The following ANKS1B variants were observed in gnomAD, a reference collection of about 807,000 sequenced individuals.
The protein encoded by ANKS1B is ankyrin repeat and sterile alpha motif domain-containing protein 1B.
In ANKS1B, 36 loss-of-function variants were observed where a neutral mutation model predicts 148.3. The observed-to-expected ratio is 0.24, with a 90% CI of 0.19 to 0.32. The LOEUF (loss-of-function observed/expected upper bound fraction) is 0.32, where lower values mean the gene tolerates loss of function less well. ANKS1B is among the 10% of genes least tolerant of loss of function. The probability of loss-of-function intolerance (pLI) is 1.00; values close to 1 mark genes in which losing one functional copy is unlikely to be tolerated. For synonymous variants in ANKS1B, 542 were observed against 560.8 expected, an observed-to-expected ratio of 0.97 and a Z score of 0.47; for missense variants, 1,157 against 1,542.6, an observed-to-expected ratio of 0.75 and a Z score of 4.19.
chr12:99,525,444 A>C (rs1364475222), intron 9 of ANKS1B, among the ~76,000 whole-genome samples: 1 of 152,200 alleles, frequency 6.6e-6, no homozygotes, highest in African/African-American at 2.4e-5. Flanking sequence ...AAGGTAATGG[A>C]GGGAGTGGAG....
chr12:99,320,040 A>G (rs1004190250), intron 12 of ANKS1B, among the ~76,000 whole-genome samples: 6 of 152,344 alleles, frequency 3.9e-5, no homozygotes, highest in South Asian at 2.1e-4. Flanking sequence ...TCTGGCTTGT[A>G]GAGCTTCTGC....
intron 17 of ANKS1B, among the ~76,000 whole-genome samples, chr12:99,014,014 ATT>A (rs2099940983): frequency 1.3e-5 from 2 of 152,192 alleles, no homozygotes; most frequent in African/African-American, 4.8e-5. Flanking sequence ...GAAAAAAACT[ATT>A]TTAAAATTCA....
intron 9 of ANKS1B, among the ~76,000 whole-genome samples, chr12:99,507,744 T>C (rs1400128136): frequency 6.6e-6 from 1 of 151,840 alleles, no homozygotes; most frequent in African/African-American, 2.4e-5. Context: ...TGTAACCAAA[T>C]ATTTCAATGT....
chr12:99,554,582 A>G (rs532983673), intron 9 of ANKS1B, among the ~76,000 whole-genome samples: 1 of 152,336 alleles, frequency 6.6e-6, no homozygotes, highest in African/African-American at 2.4e-5. Flanking sequence ...CCCCACTCAA[A>G]CAGAGCTTGA....
chr12:99,583,861 T>C (rs1300346255), intron 9 of ANKS1B, among the ~76,000 whole-genome samples: 1 of 152,214 alleles, frequency 6.6e-6, no homozygotes, highest in Non-Finnish European at 1.5e-5. Context: ...TAGATTCGCA[T>C]ATATGTTATT....
intron 8 of ANKS1B, among the ~76,000 whole-genome samples, chr12:99,704,419 C>T (rs1474746903): frequency 6.6e-6 from 1 of 152,064 alleles, no homozygotes; most frequent in Non-Finnish European, 1.5e-5. Context: ...ACCCAAGACA[C>T]TTCAACATTT....
intron 17 of ANKS1B, among the ~76,000 whole-genome samples, chr12:99,045,282 T>A (rs1042466117): frequency 5.3e-5 from 8 of 152,144 alleles, no homozygotes; most frequent in Non-Finnish European, 1.0e-4. Context: ...AAAAATTAAT[T>A]TTTTTTGCTG....
chr12:99,081,958 T>C (rs1010577449), intron 16 of ANKS1B, among the ~76,000 whole-genome samples: 2 of 152,148 alleles, frequency 1.3e-5, no homozygotes, highest in East Asian at 1.9e-4. Flanking sequence ...TGTTGCACTG[T>C]CTCTGCCCTC....
At chr12:99,766,518 A>C (rs1567807268) in intron 8 of ANKS1B, among the ~76,000 whole-genome samples, 1 of 152,164 alleles carries the variant, frequency 6.6e-6, no homozygotes, top group Non-Finnish European at 1.5e-5. Context: ...CCTACAGTAC[A>C]TACGTGTGGT....
At chr12:98,912,056 T>C (rs112231114) in intron 17 of ANKS1B, among the ~76,000 whole-genome samples, 331 of 152,334 alleles carry the variant, frequency 2.2e-3, no homozygotes, top group African/African-American at 7.6e-3. Context: ...AGCAAACACA[T>C]AGGATTTGCT....
intron 10 of ANKS1B, among the ~76,000 whole-genome samples, chr12:99,449,342 G>C (rs1247840791): frequency 1.3e-5 from 2 of 151,966 alleles, no homozygotes; most frequent in African/African-American, 2.4e-5. Flanking sequence ...TCAACCTGTT[G>C]TTACAAGATA....
intron 17 of ANKS1B, among the ~76,000 whole-genome samples, chr12:98,836,114 C>A (rs1021729179): frequency 1.3e-5 from 2 of 152,190 alleles, no homozygotes; most frequent in African/African-American, 4.8e-5. Flanking sequence ...CTTCACTACT[C>A]TCCTTGCTCT....
chr12:99,424,405 A>G (rs73373909), intron 11 of ANKS1B, among the ~76,000 whole-genome samples: 2,472 of 152,228 alleles, frequency 0.016, 77 homozygotes, highest in African/African-American at 0.053. Context: ...AGAGATCAAG[A>G]AGTAAGAATT....
chr12:99,968,048 A>G (rs185713202), intron 1 of ANKS1B, among the ~76,000 whole-genome samples: 1 of 152,310 alleles, frequency 6.6e-6, no homozygotes, highest in African/African-American at 2.4e-5. Flanking sequence ...AGAAGAAGCC[A>G]AAGAATGCCT....
In ANKS1B at chr12:98,745,216, C is replaced by T. The variant is rs1040196404; in HGVS notation, c.*523G>A. On this transcript the variant is annotated 3_prime_UTR_variant, in exon 27 of 27. Coordinates refer to ENST00000683438, the MANE Select transcript of ANKS1B (RefSeq NM_001352186.2). Reference sequence around the variant, plus strand: ...AAACAGAATCTCCTGGCAATCATATCACGGGAGTTGTTTTTGTCCTTTTGC... The same window carrying T: ...AAACAGAATCTCCTGGCAATCATATTACGGGAGTTGTTTTTGTCCTTTTGC... 8.1e-6 allele frequency: 8 copies of T among 985,604 alleles called. No individual in the cohort carries two copies. In the African/African-American group the frequency reaches 1.4e-4, roughly 17 times the overall value. The allele number at this position is 985,604 out of a possible 1,614,324, so 61.1% of individuals were successfully genotyped here. A position where few individuals can be genotyped will look rare whatever the true frequency, so the allele number is the denominator to read the frequency against.
At chr12:99,588,504 C>A (rs1391351472) in intron 9 of ANKS1B, among the ~76,000 whole-genome samples, 2 of 151,844 alleles carry the variant, frequency 1.3e-5, no homozygotes, top group East Asian at 3.9e-4. Flanking sequence ...GCAACTTCCA[C>A]CTCCCGGGTT....
chr12:99,686,262 AT>A (rs2098648833), intron 8 of ANKS1B, among the ~76,000 whole-genome samples: 1 of 152,180 alleles, frequency 6.6e-6, no homozygotes, highest in Admixed American at 6.6e-5. Context: ...ACTTAGGAGT[AT>A]AACAGCCAAG....
chr12:99,490,667 A>T (rs1304843385), intron 10 of ANKS1B, among the ~76,000 whole-genome samples: 1 of 152,188 alleles, frequency 6.6e-6, no homozygotes, highest in Non-Finnish European at 1.5e-5. Context: ...TATTAGATAA[A>T]ATCTAGAATA....
intron 10 of ANKS1B, among the ~76,000 whole-genome samples, chr12:99,462,610 T>C (rs1392120352): frequency 6.6e-6 from 1 of 152,270 alleles, no homozygotes; most frequent in East Asian, 1.9e-4. Flanking sequence ...TAGGTACTAA[T>C]GACTGAGACA....
Sources: allele counts gnomAD v4.1 joint callset (sites outside exome capture counted in the v4.1 genomes callset), GRCh38; gene constraint gnomAD v4.1.1; transcripts MANE v1.5; gene names NCBI Gene and HGNC (gene_info 2026-07-23, HGNC 2026-07-21).